Variants in SORCS3 observed in about 807,000 individuals in gnomAD.
SORCS3 encodes the protein sortilin related VPS10 domain containing receptor 3, also known as VPS10 domain-containing receptor SorCS3.
Under a neutral mutation model 146.3 loss-of-function variants are expected in SORCS3, and 57 were observed. That is an observed-to-expected ratio of 0.39 (90% CI 0.31 to 0.49). SORCS3 has a LOEUF of 0.49. SORCS3 is among the 20% of genes least tolerant of loss of function. SORCS3 has a pLI of 0.92. For missense variants in SORCS3, 1,341 were observed against 1,575.5 expected, an observed-to-expected ratio of 0.85 and a Z score of 2.52; for synonymous variants, 653 against 618.5, an observed-to-expected ratio of 1.06 and a Z score of -0.83.
At chr10:105,118,940 C>A (rs1423913105) in intron 7 of SORCS3, among the ~76,000 whole-genome samples, 3 of 152,176 alleles carry the variant, frequency 2.0e-5, no homozygotes, top group African/African-American at 7.2e-5. Flanking sequence ...GAAATTCAAG[C>A]CAGCTGCATA....
At chr10:104,697,097 T>C (rs970430683) in intron 1 of SORCS3, among the ~76,000 whole-genome samples, 2 of 152,024 alleles carry the variant, frequency 1.3e-5, no homozygotes, top group Non-Finnish European at 2.9e-5. Flanking sequence ...AATCATCACA[T>C]TGAACACCTT....
At chr10:105,248,713 CA>C (rs35611802) in intron 22 of SORCS3, among the ~76,000 whole-genome samples, 233 of 110,322 alleles carry the variant, frequency 2.1e-3, no homozygotes, top group Middle Eastern at 4.8e-3. Context: ...GACTCCATCT[CA>C]AAAAAAAAAA....
intron 1 of SORCS3, among the ~76,000 whole-genome samples, chr10:104,695,026 G>A (rs187311361): frequency 9.2e-5 from 14 of 152,238 alleles, no homozygotes; most frequent in South Asian, 4.1e-4. Context: ...AAATTTCAGC[G>A]AAAATAGGAA....
intron 9 of SORCS3, among the ~76,000 whole-genome samples, chr10:105,152,276 C>T (rs1589657511): frequency 1.3e-5 from 2 of 152,304 alleles, no homozygotes; most frequent in African/African-American, 4.8e-5. Context: ...AGGTGAGCTA[C>T]ATACACACTT....
chr10:104,840,618 T>C (rs1484931735), intron 1 of SORCS3, among the ~76,000 whole-genome samples: 4 of 152,120 alleles, frequency 2.6e-5, no homozygotes, highest in African/African-American at 7.2e-5. Context: ...AGAAAGGAAA[T>C]GATGGAAGGA....
At chr10:104,873,442 C>T (rs2018539454) in intron 2 of SORCS3, among the ~76,000 whole-genome samples, 2 of 152,136 alleles carry the variant, frequency 1.3e-5, no homozygotes, top group African/African-American at 2.4e-5. Context: ...CAATCAACAG[C>T]CCCATTTAGC....
chr10:105,136,511 T>C (rs1387240457), intron 7 of SORCS3, among the ~76,000 whole-genome samples: 1 of 152,146 alleles, frequency 6.6e-6, no homozygotes, highest in Non-Finnish European at 1.5e-5. Flanking sequence ...ATGAAGTAGG[T>C]CACAACCTTG....
At chr10:104,800,029 T>G (rs2491391) in intron 1 of SORCS3, among the ~76,000 whole-genome samples, 67,270 of 151,818 alleles carry the variant, frequency 0.44, 15,110 homozygotes, top group African/African-American at 0.49. Context: ...CACAAAAAAA[T>G]TACATGGATG....
chr10:105,195,526 G>C (rs972684879), intron 14 of SORCS3, among the ~76,000 whole-genome samples: 2 of 152,146 alleles, frequency 1.3e-5, no homozygotes, highest in Admixed American at 6.5e-5. Flanking sequence ...ATTTGAATTA[G>C]TTCTTAATTT....
chr10:104,969,227 A>G (rs1367965336), intron 3 of SORCS3, among the ~76,000 whole-genome samples: 1 of 151,672 alleles, frequency 6.6e-6, no homozygotes, highest in Non-Finnish European at 1.5e-5. Flanking sequence ...TTAATGCTTG[A>G]TGCTCCTGTG....
intron 20 of SORCS3, among the ~76,000 whole-genome samples, chr10:105,243,805 G>A (rs2056850606): frequency 6.6e-6 from 1 of 152,168 alleles, no homozygotes; most frequent in Non-Finnish European, 1.5e-5. Context: ...TTTTAAAGCA[G>A]AAGAAATTAA....
chr10:105,257,725 A>G (rs1405496971), intron 25 of SORCS3, among the ~76,000 whole-genome samples: 2 of 152,198 alleles, frequency 1.3e-5, no homozygotes, highest in Non-Finnish European at 2.9e-5. Flanking sequence ...TAGCAATAAT[A>G]TTTTATAGGT....
intron 1 of SORCS3, among the ~76,000 whole-genome samples, chr10:104,664,124 T>A (rs1409260892): frequency 6.6e-6 from 1 of 152,134 alleles, no homozygotes; most frequent in African/African-American, 2.4e-5. Context: ...TAGGCTCAGA[T>A]GCATTGGGGA....
intron 3 of SORCS3, among the ~76,000 whole-genome samples, chr10:104,942,625 G>A (rs766544940): frequency 2.0e-5 from 3 of 152,120 alleles, no homozygotes; most frequent in Non-Finnish European, 4.4e-5. Context: ...AGGAATGCAA[G>A]GTCACTTTAA....
intron 1 of SORCS3, among the ~76,000 whole-genome samples, chr10:104,696,727 A>AT: frequency 2.0e-5 from 2 of 99,970 alleles, no homozygotes; most frequent in African/African-American, 7.9e-5. Flanking sequence ...TATAACATAT[A>AT]TAATATATAA....
intron 1 of SORCS3, among the ~76,000 whole-genome samples, chr10:104,790,825 A>G (rs1262172359): frequency 5.9e-5 from 9 of 152,238 alleles, no homozygotes; most frequent in Non-Finnish European, 1.2e-4. Context: ...AATTGAGTAC[A>G]GTTCTTTGCA....
chr10:104,709,783 T>C (rs1407127961), intron 1 of SORCS3, among the ~76,000 whole-genome samples: 1 of 152,198 alleles, frequency 6.6e-6, no homozygotes, highest in Non-Finnish European at 1.5e-5. Context: ...AATGTCTGAC[T>C]TGTTCTTTGC....
intron 3 of SORCS3, among the ~76,000 whole-genome samples, chr10:104,964,209 A>T (rs1402234038): frequency 1.3e-5 from 2 of 152,180 alleles, no homozygotes; most frequent in East Asian, 3.9e-4. Flanking sequence ...AACTTGTGAT[A>T]AAGCCAGAGT....
At chr10:105,070,950 G>C (rs531705531) in intron 5 of SORCS3, among the ~76,000 whole-genome samples, 25 of 152,168 alleles carry the variant, frequency 1.6e-4, no homozygotes, top group African/African-American at 6.0e-4. Context: ...AAAATATGCA[G>C]ACAGTGATGG....
Sources: allele counts gnomAD v4.1 joint callset (sites outside exome capture counted in the v4.1 genomes callset), GRCh38; gene constraint gnomAD v4.1.1; transcripts MANE v1.5; gene names NCBI Gene and HGNC (gene_info 2026-07-23, HGNC 2026-07-21).